BICC1: variants seen among roughly 807,000 people sequenced by gnomAD.
BICC1 encodes the protein BicC family RNA binding protein 1.
Under a neutral mutation model 111.0 loss-of-function variants are expected in BICC1, and 43 were observed. The ratio of observed to expected loss-of-function variants is 0.39; its 90% CI spans 0.30 to 0.50. The LOEUF is 0.50. Ranked by LOEUF, BICC1 falls within the 20% of genes least tolerant of loss-of-function variation. The pLI is 0.88. For synonymous variants in BICC1, 467 were observed against 434.4 expected (o/e 1.07, Z -0.93); for missense variants, 1,091 against 1,203.2 (o/e 0.91, Z 1.38).
intron 1 of BICC1, among the ~76,000 whole-genome samples, chr10:58,568,593 C>T (rs1843844396): frequency 6.6e-6 from 1 of 152,104 alleles, no homozygotes; most frequent in Non-Finnish European, 1.5e-5. Flanking sequence ...AGAAGAGAAA[C>T]TAGTGCCCAG....
chr10:58,551,724 G>A (rs892163775), intron 1 of BICC1, among the ~76,000 whole-genome samples: 4 of 151,888 alleles, frequency 2.6e-5, no homozygotes, highest in Non-Finnish European at 4.4e-5. Context: ...TTTAGATTTC[G>A]CATATAAGTG....
chr10:58,798,597 C>A, intron 11 of BICC1, 37 bp downstream of exon 11: 1 of 1,479,436 alleles, frequency 6.8e-7, no homozygotes, highest in Non-Finnish European at 9.0e-7. Context: ...GTTGTGTATT[C>A]TTAGGTGTTA....
intron 1 of BICC1, among the ~76,000 whole-genome samples, chr10:58,604,861 G>T (rs749200609): frequency 2.6e-5 from 4 of 152,262 alleles, no homozygotes; most frequent in South Asian, 2.1e-4. Context: ...TCATGATCAA[G>T]GTGCTGGCAG....
At chr10:58,819,808 T>G (rs1259753809) in intron 19 of BICC1, among the ~76,000 whole-genome samples, 1 of 152,104 alleles carries the variant, frequency 6.6e-6, no homozygotes, top group African/African-American at 2.4e-5. Flanking sequence ...TTGGGCAGTT[T>G]CCCTTCATGC....
chr10:58,724,990 G>A (rs1841057887), intron 3 of BICC1, among the ~76,000 whole-genome samples: 2 of 152,122 alleles, frequency 1.3e-5, no homozygotes, highest in Admixed American at 6.5e-5. Context: ...CACCTGTCTG[G>A]TGCAGATGTA....
chr10:58,758,931 A>ATATTTATT (rs141127868), intron 3 of BICC1, among the ~76,000 whole-genome samples: 260 of 144,150 alleles, frequency 1.8e-3, no homozygotes, highest in Middle Eastern at 3.6e-3. Context: ...GATCATTAAA[A>ATATTTATT]TATTTATTTA....
intron 2 of BICC1, among the ~76,000 whole-genome samples, chr10:58,682,740 C>T (rs1839574110): frequency 6.6e-6 from 1 of 151,952 alleles, no homozygotes; most frequent in South Asian, 2.1e-4. Flanking sequence ...TTGATTTTTT[C>T]TTGTAAATTT....
chr10:58,745,097 C>T (rs1393298859), intron 3 of BICC1, among the ~76,000 whole-genome samples: 12 of 152,166 alleles, frequency 7.9e-5, no homozygotes, highest in Admixed American at 7.9e-4. Context: ...TTTCCTTTAA[C>T]CACATGATGA....
chr10:58,684,919 ATG>A (rs1195594285), intron 2 of BICC1, among the ~76,000 whole-genome samples: 4 of 151,990 alleles, frequency 2.6e-5, no homozygotes, highest in Non-Finnish European at 4.4e-5. Context: ...TAGCTTTTGA[ATG>A]TGTTTGTTCT....
At chr10:58,808,177 A>C (rs9416744) in intron 17 of BICC1, among the ~76,000 whole-genome samples, 112,721 of 151,440 alleles carry the variant, frequency 0.74, 42,052 homozygotes, top group Admixed American at 0.76. Flanking sequence ...TAGTAGCAAC[A>C]TGGCAGGCTG....
At chr10:58,586,907 C>T (rs150002272) in intron 1 of BICC1, among the ~76,000 whole-genome samples, 1 of 152,166 alleles carries the variant, frequency 6.6e-6, no homozygotes, top group African/African-American at 2.4e-5. Context: ...GAACTTGTAG[C>T]CAGGTTCTTC....
intron 3 of BICC1, among the ~76,000 whole-genome samples, chr10:58,732,184 G>A (rs1239481541): frequency 4.6e-5 from 7 of 151,064 alleles, no homozygotes; most frequent in African/African-American, 1.5e-4. Context: ...AGAAGCCATT[G>A]TAGGGTTATT....
intron 1 of BICC1, among the ~76,000 whole-genome samples, chr10:58,617,358 C>G (rs1845651859): frequency 6.6e-6 from 1 of 151,822 alleles, no homozygotes; most frequent in Non-Finnish European, 1.5e-5. Flanking sequence ...ATACAAGTCC[C>G]TTAGCAGCAG....
intron 20 of BICC1, among the ~76,000 whole-genome samples, chr10:58,827,908 C>G (rs1379698192): frequency 6.6e-6 from 1 of 152,178 alleles, no homozygotes; most frequent in Non-Finnish European, 1.5e-5. Flanking sequence ...CCTTCTCAAC[C>G]TACTCAACGT....
At chr10:58,658,469 G>C (rs147020387) in intron 2 of BICC1, among the ~76,000 whole-genome samples, 15 of 152,218 alleles carry the variant, frequency 9.9e-5, no homozygotes, top group Non-Finnish European at 1.5e-4. Flanking sequence ...TTAAGGGTAT[G>C]AGCCACTGCA....
chr10:58,641,456 CT>C (rs533452424), intron 2 of BICC1, among the ~76,000 whole-genome samples: 179 of 150,504 alleles, frequency 1.2e-3, no homozygotes, highest in African/African-American at 4.0e-3. Flanking sequence ...AGGTTGACTT[CT>C]TTTTTTTCTT....
At chr10:58,700,307 G>A (rs1447800937) in intron 2 of BICC1, among the ~76,000 whole-genome samples, 1 of 152,182 alleles carries the variant, frequency 6.6e-6, no homozygotes, top group East Asian at 1.9e-4. Flanking sequence ...TTCTGAGGAA[G>A]AGATAATAGT....
rs970844272 is a variant in BICC1 at position 58,656,892 on chromosome 10, C to T, written c.237+35991C>T. Reference sequence around the variant, plus strand: ...TCACAGATGGTTAATTTTATCTCGGCATAACAGTTTATAATCTTGACAATG... The same window carrying T: ...TCACAGATGGTTAATTTTATCTCGGTATAACAGTTTATAATCTTGACAATG... On this transcript the variant is annotated intron_variant, in intron 2 of 20. Coordinates refer to ENST00000373886, the MANE Select transcript of BICC1 (RefSeq NM_001080512.3). Among the ~76,000 whole-genome samples, 3 of 152,120 alleles carry T rather than the reference C, an allele frequency of 2.0e-5. No homozygotes were observed. The East Asian group carries it at 5.8e-4, about 29-fold the overall frequency.
intron 2 of BICC1, among the ~76,000 whole-genome samples, chr10:58,683,481 A>G (rs1380727158): frequency 5.9e-5 from 9 of 152,136 alleles, no homozygotes; most frequent in Admixed American, 1.3e-4. Context: ...CAGTATGGCC[A>G]TTTTCACGAT....
Sources: allele counts gnomAD v4.1 joint callset (sites outside exome capture counted in the v4.1 genomes callset), GRCh38; gene constraint gnomAD v4.1.1; transcripts MANE v1.5; gene names NCBI Gene and HGNC (gene_info 2026-07-23, HGNC 2026-07-21).